DGKD: variants seen among roughly 807,000 people sequenced by gnomAD.
DGKD encodes the protein diacylglycerol kinase delta, also known as DAG kinase delta.
In DGKD, 68 loss-of-function variants were observed where a neutral mutation model predicts 154.4. The ratio of observed to expected loss-of-function variants is 0.44; its 90% CI spans 0.36 to 0.54. The LOEUF (loss-of-function observed/expected upper bound fraction) is 0.54, where lower values mean the gene tolerates loss of function less well. DGKD is among the 20% of genes least tolerant of loss of function. DGKD has a pLI of 0.00. For synonymous variants in DGKD, 693 were observed against 638.0 expected, an observed-to-expected ratio of 1.09 and a Z score of -1.30; for missense variants, 1,343 against 1,593.6, an observed-to-expected ratio of 0.84 and a Z score of 2.68.
In DGKD at chr2:233,458,242, G is replaced by A; in HGVS notation, c.2581-42G>A. On this transcript the variant is annotated intron_variant, in intron 21 of 29. Coordinates refer to ENST00000264057, the MANE Select transcript of DGKD (RefSeq NM_152879.3). The surrounding 1 kb of genome is among the most constrained non-coding windows in gnomAD (Gnocchi z 6.6). ...GAGGGTAGGGGCGGCCTGTGCTCGGGGATGTGTGGAGTGGTGGTCAGCTCT... is the reference window on the plus strand; with the variant it reads ...GAGGGTAGGGGCGGCCTGTGCTCGGAGATGTGTGGAGTGGTGGTCAGCTCT... The A allele has an allele frequency of 1.4e-6, 2 of 1,386,024 alleles. No homozygotes were observed. The highest frequency in any genetic ancestry group is 1.2e-5 in the South Asian group (1 of 84,516). The allele number at this position is 1,386,024 out of a possible 1,614,324, so 85.9% of individuals were successfully genotyped here. A position where few individuals can be genotyped will look rare whatever the true frequency, so the allele number is the denominator to read the frequency against.
In DGKD at chr2:233,459,671, C is replaced by T; in HGVS notation, c.2695-86C>T. 6.5e-7 allele frequency: 1 copy of T among 1,530,590 alleles called. No individual in the cohort carries two copies. The allele number at this position is 1,530,590 out of a possible 1,614,324, so 94.8% of individuals were successfully genotyped here. On this transcript the variant is annotated intron_variant, in intron 22 of 29. Coordinates refer to ENST00000264057, the MANE Select transcript of DGKD (RefSeq NM_152879.3). The surrounding 1 kb of genome is among the most constrained non-coding windows in gnomAD (Gnocchi z 5.7). ...GCAAGGCAGGGACGGGTGTGTGGAG[C>T]AGGAAGGTCATGGTGGTGCTGATAG...
intron 1 of DGKD, 51 bp from the exon 2 acceptor site, chr2:233,388,206 G>A: frequency 1.9e-6 from 3 of 1,592,088 alleles, no homozygotes; most frequent in Non-Finnish European, 2.6e-6. Flanking sequence ...CCGGAAGAGT[G>A]AAAGGGCACC....
chr2:233,462,149 TC>T (rs1000996748), intron 24 of DGKD, among the ~76,000 whole-genome samples, 198 bp from the exon 25 acceptor site: 22 of 152,328 alleles, frequency 1.4e-4, no homozygotes, highest in Middle Eastern at 3.4e-3. Context: ...GTGGAAGCCC[TC>T]CCATTTGCTG....
intron 1 of DGKD, among the ~76,000 whole-genome samples, chr2:233,359,173 C>T: frequency 6.6e-6 from 1 of 152,320 alleles, no homozygotes; most frequent in Middle Eastern, 3.4e-3. Flanking sequence ...TCACTTCAGA[C>T]CCTGCGCTTC....
intron 1 of DGKD, chr2:233,385,886 A>AC: frequency 2.2e-6 from 1 of 446,812 alleles, no homozygotes; most frequent in Non-Finnish European, 4.6e-6. Flanking sequence ...TTCCGCTGAA[A>AC]CCCACCAGTC....
At chr2:233,382,709 A>G (rs1702962013) in intron 1 of DGKD, among the ~76,000 whole-genome samples, 1 of 152,208 alleles carries the variant, frequency 6.6e-6, no homozygotes, top group African/African-American at 2.4e-5. Context: ...TTACATGCTC[A>G]AGACATTAAC....
At chr2:233,443,726 G>A (rs190337435) in intron 10 of DGKD, among the ~76,000 whole-genome samples, 19 of 152,320 alleles carry the variant, frequency 1.2e-4, no homozygotes, top group African/African-American at 4.3e-4. Context: ...AAGTGGTGCC[G>A]CCTGCTGGTG....
At chr2:233,371,384 A>G (rs959839221) in intron 1 of DGKD, among the ~76,000 whole-genome samples, 1 of 152,014 alleles carries the variant, frequency 6.6e-6, no homozygotes, top group African/African-American at 2.4e-5. Flanking sequence ...CCATTTTCCA[A>G]TCGGGTTGTC....
intron 9 of DGKD, among the ~76,000 whole-genome samples, chr2:233,439,370 C>T (rs183138773): frequency 3.3e-4 from 51 of 152,302 alleles, no homozygotes; most frequent in African/African-American, 1.0e-3. Context: ...TGCTGCTCGT[C>T]GTTGGTCCTG....
At chr2:233,375,307 GA>G (rs769982979) in intron 1 of DGKD, among the ~76,000 whole-genome samples, 8 of 151,548 alleles carry the variant, frequency 5.3e-5, no homozygotes, top group African/African-American at 1.7e-4. Context: ...GGAAAAAAAA[GA>G]AAAAAAAGAA....
intron 3 of DGKD, among the ~76,000 whole-genome samples, chr2:233,401,651 T>C (rs1330564290): frequency 6.6e-6 from 1 of 152,164 alleles, no homozygotes; most frequent in African/African-American, 2.4e-5. Flanking sequence ...CTGGGCATGG[T>C]GGCTAACACC....
intron 6 of DGKD, 22 bp from the exon 7 acceptor site, chr2:233,436,294 G>C (rs1438517247): frequency 1.2e-6 from 2 of 1,614,028 alleles, no homozygotes; most frequent in East Asian, 2.2e-5. Flanking sequence ...CGTCCCTAGT[G>C]CGTGCCTCTG....
chr2:233,457,776 C>T lies in DGKD; in HGVS notation c.2580+448C>T, dbSNP rs530219124. On this transcript the variant is annotated intron_variant, in intron 21 of 29. Coordinates refer to ENST00000264057, the MANE Select transcript of DGKD (RefSeq NM_152879.3). The surrounding 1 kb of genome is among the most constrained non-coding windows in gnomAD (Gnocchi z 5.5). Reference sequence around the variant, plus strand: ...CCCCGACTGCAGTGGGCAGCAGGGGCGTGGAGAGACAGGAGAGGGCTGCAG... The same window carrying T: ...CCCCGACTGCAGTGGGCAGCAGGGGTGTGGAGAGACAGGAGAGGGCTGCAG... The T allele has an allele frequency of 2.0e-4, 72 of 354,974 alleles. 1 individual carries two copies. The East Asian group carries it at 4.2e-3, about 21-fold the overall frequency. The allele number at this position is 354,974 out of a possible 1,614,324, so 22.0% of individuals were successfully genotyped here. A position where few individuals can be genotyped will look rare whatever the true frequency, so the allele number is the denominator to read the frequency against.
chr2:233,445,538 G>A lies in DGKD; in HGVS notation c.1195-85G>A, dbSNP rs563182761. Reference sequence around the variant, plus strand: ...CCCACATTGCTAACGTAACCCTCACGGTGGGGGACAAGGAGGGCTGCGGGC... The same window carrying A: ...CCCACATTGCTAACGTAACCCTCACAGTGGGGGACAAGGAGGGCTGCGGGC... On this transcript the variant is annotated intron_variant, in intron 10 of 29. Coordinates refer to ENST00000264057, the MANE Select transcript of DGKD (RefSeq NM_152879.3). This position sits in a 1 kb window ranked among gnomAD's most constrained non-coding sequence, Gnocchi z 5.5. The A allele has an allele frequency of 1.1e-5, 16 of 1,499,596 alleles. No homozygotes were observed. In the South Asian group the frequency reaches 1.5e-4, roughly 14 times the overall value. 92.9% of individuals were successfully genotyped at this position (1,499,596 alleles called of 1,614,324 possible).
chr2:233,426,155 T>C (rs1022094919), intron 3 of DGKD, among the ~76,000 whole-genome samples: 6 of 152,252 alleles, frequency 3.9e-5, no homozygotes, highest in Admixed American at 2.6e-4. Flanking sequence ...TAACACTGTT[T>C]TAACATAGTG....
In DGKD at chr2:233,388,254, C is replaced by G. The variant is rs1363165351; in HGVS notation, c.157-3C>G. On this transcript the variant is annotated splice_polypyrimidine_tract_variant and splice_region_variant and intron_variant, in intron 1 of 29. Coordinates refer to ENST00000264057, the MANE Select transcript of DGKD (RefSeq NM_152879.3). ...GTTTATGAATATGTTTCTGTACTTT[C>G]AGACCATCATCAAAGAGGGGATGCT... The G allele has an allele frequency of 1.9e-6, 3 of 1,611,840 alleles. No individual in the cohort carries two copies. Among genetic ancestry groups the G allele is most frequent in the Non-Finnish European group, 2.5e-6 (3 of 1,179,466 alleles).
intron 12 of DGKD, chr2:233,447,540 A>G (rs1158365721): frequency 1.0e-6 from 1 of 984,678 alleles, no homozygotes. Flanking sequence ...TTTTTTTGAG[A>G]GGAAGAGTGT....
Position 233,449,423 on chromosome 2 carries a change from G to A in DGKD, c.1888+47G>A. 6.4e-7 allele frequency: 1 copy of A among 1,553,302 alleles called. No individual in the cohort carries two copies. Among genetic ancestry groups the A allele is most frequent in the Admixed American group, 1.8e-5 (1 of 56,020 alleles). ...AGGGGCTTTCCTCAGGCCAGCACTGGGCATGCCCAGCGTCCCCTGAACACG... is the reference window on the plus strand; with the variant it reads ...AGGGGCTTTCCTCAGGCCAGCACTGAGCATGCCCAGCGTCCCCTGAACACG... On this transcript the variant is annotated intron_variant, in intron 15 of 29. Coordinates refer to ENST00000264057, the MANE Select transcript of DGKD (RefSeq NM_152879.3). The surrounding 1 kb of genome is among the most constrained non-coding windows in gnomAD (Gnocchi z 5.3).
chr2:233,364,026 G>A lies in DGKD; in HGVS notation c.156+9352G>A, dbSNP rs1701912714. 3.3e-5 allele frequency among the ~76,000 whole-genome samples: 5 copies of A among 152,288 alleles called. No homozygotes were observed. In the South Asian group the frequency reaches 1.0e-3, roughly 32 times the overall value. On this transcript the variant is annotated intron_variant, in intron 1 of 29. Transcript: ENST00000264057. ...TGAAGAGAAAGAGAGAAAGGCGGAG[G>A]TTGCAGTGAGTCGAGATCACACCAC...
Sources: allele counts gnomAD v4.1 joint callset (sites outside exome capture counted in the v4.1 genomes callset), GRCh38; gene constraint gnomAD v4.1.1; non-coding constraint Gnocchi (gnomAD v3.1); transcripts MANE v1.5; gene names NCBI Gene and HGNC (gene_info 2026-07-23, HGNC 2026-07-21).